Variants in SLC38A1 observed in about 807,000 individuals in gnomAD.
SLC38A1 encodes the protein solute carrier family 38 member 1.
In SLC38A1, 18 loss-of-function variants were observed where a neutral mutation model predicts 60.3. The ratio of observed to expected loss-of-function variants is 0.30; its 90% CI spans 0.21 to 0.44. The LOEUF is 0.44. Among genes scored for constraint, SLC38A1 ranks in the 20% least tolerant of loss-of-function variants. The probability of loss-of-function intolerance (pLI) is 1.00; values close to 1 mark genes in which losing one functional copy is unlikely to be tolerated. For missense variants in SLC38A1, 448 were observed against 587.2 expected, an observed-to-expected ratio of 0.76 and a Z score of 2.45; for synonymous variants, 196 against 212.1, an observed-to-expected ratio of 0.92 and a Z score of 0.66.
chr12:46,199,810 C>A (rs1217191347), intron 13 of SLC38A1, among the ~76,000 whole-genome samples: 1 of 152,150 alleles, frequency 6.6e-6, no homozygotes, highest in East Asian at 1.9e-4. Context: ...GCAAGGGCCT[C>A]TCACTGCACC....
chr12:46,237,476 G>C (rs925220628), intron 3 of SLC38A1, among the ~76,000 whole-genome samples: 1 of 149,210 alleles, frequency 6.7e-6, no homozygotes, highest in Non-Finnish European at 1.5e-5. Flanking sequence ...GAGAAGGAGG[G>C]GAAATAAAGA....
At chr12:46,207,040 C>T (rs1000971492) in intron 8 of SLC38A1, 115 bp downstream of exon 8, 8 of 686,044 alleles carry the variant, frequency 1.2e-5, no homozygotes, top group Non-Finnish European at 1.9e-5. Flanking sequence ...AACAAACAAA[C>T]AAAACGCAGC....
chr12:46,265,441 A>C (rs1450231150), intron 1 of SLC38A1, among the ~76,000 whole-genome samples: 4 of 152,256 alleles, frequency 2.6e-5, no homozygotes, highest in Admixed American at 2.6e-4. Flanking sequence ...ATAGGCCATC[A>C]CAAGTACACA....
chr12:46,257,344 C>T (rs1942064374), intron 1 of SLC38A1, among the ~76,000 whole-genome samples: 1 of 152,194 alleles, frequency 6.6e-6, no homozygotes, highest in Non-Finnish European at 1.5e-5. Context: ...TTCTAACCCC[C>T]TAAATCTTGG....
At chr12:46,255,635 T>C (rs999626530) in intron 1 of SLC38A1, among the ~76,000 whole-genome samples, 1 of 152,238 alleles carries the variant, frequency 6.6e-6, no homozygotes. Flanking sequence ...AACTGTTCTT[T>C]CAGTAGTCTT....
rs749937771 is a variant in SLC38A1 at position 46,206,143 on chromosome 12, G to A, written c.583C>T (p.Arg195Cys). 39 of 1,609,294 alleles carry A rather than the reference G, an allele frequency of 2.4e-5. No homozygotes were observed. The highest frequency in any genetic ancestry group is 3.0e-5 in the Non-Finnish European group (35 of 1,177,010). Residue 195 changes from arginine to cysteine, a missense_variant, in exon 9 of 17, where the codon CGC becomes TGC. By Grantham distance (180) the Arg-to-Cys change is radical. Coordinates refer to ENST00000398637, the MANE Select transcript of SLC38A1 (RefSeq NM_030674.4). Reference sequence around the variant, plus strand: ...AAGGTAACTATCACCACCAGAACGCGGCCATCCACGTACCAGGCTCTGAAA... The same window carrying A: ...AAGGTAACTATCACCACCAGAACGCAGCCATCCACGTACCAGGCTCTGAAA... The part of the protein sequence containing the change: ...ETFSAWYVDG[R>C]VLVVIVTFGI...
At chr12:46,209,387 C>A (rs1010188657) in intron 5 of SLC38A1, among the ~76,000 whole-genome samples, 1 of 152,114 alleles carries the variant, frequency 6.6e-6, no homozygotes. Context: ...GGGAGCATTT[C>A]GGTTGAGATG....
At position 46,203,091 on chromosome 12, in the gene SLC38A1, T is replaced by C. The variant is rs1939734917; in HGVS notation, c.823-2A>G. ...AATGGTGGGTAAAGCATACACGGTC[T>C]ATTTGAGAGAAAAGAATAGACATTA... is the stretch of plus-strand genomic sequence containing the variant. On this transcript the variant is annotated splice_acceptor_variant, in intron 11 of 16. Transcript: ENST00000398637. LOFTEE classifies it high-confidence loss of function. The C allele has an allele frequency of 6.2e-7, 1 of 1,612,874 alleles. No individual in the cohort carries two copies. The highest frequency in any genetic ancestry group is 8.5e-7 in the Non-Finnish European group (1 of 1,179,256).
At chr12:46,238,196 A>G (rs892444691) in intron 3 of SLC38A1, among the ~76,000 whole-genome samples, 3 of 149,170 alleles carry the variant, frequency 2.0e-5, no homozygotes, top group Non-Finnish European at 4.4e-5. Flanking sequence ...ATTATTATTA[A>G]GAATTACTCA....
At position 46,210,643 on chromosome 12, in the gene SLC38A1, G is replaced by A. The variant is rs571870672; in HGVS notation, c.315-1516C>T. Reference sequence around the variant, plus strand: ...CGGTGGGAGATAATTGAATCATGGGGGCAGTTCTCTCATACTGTTCTTGTG... The same window carrying A: ...CGGTGGGAGATAATTGAATCATGGGAGCAGTTCTCTCATACTGTTCTTGTG... On this transcript the variant is annotated intron_variant, in intron 5 of 16. Coordinates refer to ENST00000398637, the MANE Select transcript of SLC38A1 (RefSeq NM_030674.4). Among the ~76,000 whole-genome samples, 6 of 152,202 alleles carry A rather than the reference G, an allele frequency of 3.9e-5. No individual in the cohort carries two copies. The East Asian group carries it at 5.8e-4, about 15-fold the overall frequency.
In SLC38A1 at chr12:46,188,106, T is replaced by C. The variant is rs1419120312; in HGVS notation, c.*864A>G. ...GAAGGCTAAATGCATCAGAGGAGTA[T>C]TTTCTTAGGCATTTTGGACAATCTT... is the stretch of plus-strand genomic sequence containing the variant. On this transcript the variant is annotated 3_prime_UTR_variant, in exon 17 of 17. Coordinates refer to ENST00000398637, the MANE Select transcript of SLC38A1 (RefSeq NM_030674.4). 6.6e-6 allele frequency: 1 copy of C among 152,142 alleles called. No individual in the cohort carries two copies. The highest frequency in any genetic ancestry group is 1.5e-5 in the Non-Finnish European group (1 of 68,024). 9.4% of individuals were successfully genotyped at this position (152,142 alleles called of 1,614,324 possible).
intron 1 of SLC38A1, among the ~76,000 whole-genome samples, chr12:46,255,415 G>A (rs1272232021): frequency 6.6e-6 from 1 of 152,148 alleles, no homozygotes; most frequent in South Asian, 2.1e-4. Flanking sequence ...TACCCCTTTA[G>A]TTTTAGCCAA....
chr12:46,203,261 T>C (rs1939741956), intron 11 of SLC38A1, among the ~76,000 whole-genome samples, 172 bp from the exon 12 acceptor site: 1 of 152,184 alleles, frequency 6.6e-6, no homozygotes, highest in Admixed American at 6.5e-5. Flanking sequence ...CTAAGACAGC[T>C]TGTCTAGCTC....
At chr12:46,210,940 G>C (rs1408212536) in intron 5 of SLC38A1, among the ~76,000 whole-genome samples, 1 of 152,116 alleles carries the variant, frequency 6.6e-6, no homozygotes, top group African/African-American at 2.4e-5. Context: ...TTCAGGTTGA[G>C]GGATGTGAGA....
At chr12:46,195,073 T>G (rs1939306061) in intron 16 of SLC38A1, among the ~76,000 whole-genome samples, 1 of 152,240 alleles carries the variant, frequency 6.6e-6, no homozygotes, top group Non-Finnish European at 1.5e-5. Flanking sequence ...CTTTGTGGTT[T>G]TATCTACCTT....
At chr12:46,210,954 G>A (rs1373494343) in intron 5 of SLC38A1, among the ~76,000 whole-genome samples, 2 of 152,122 alleles carry the variant, frequency 1.3e-5, no homozygotes, top group East Asian at 1.9e-4. Flanking sequence ...TGTGAGAAAC[G>A]GACAGCAAGC....
intron 5 of SLC38A1, among the ~76,000 whole-genome samples, chr12:46,228,035 C>T (rs1045415758): frequency 2.0e-5 from 3 of 152,052 alleles, no homozygotes; most frequent in Non-Finnish European, 4.4e-5. Flanking sequence ...TCAGCTCAAG[C>T]GGAAAGGCAA....
chr12:46,185,893 C>T lies in SLC38A1; in HGVS notation c.*3077G>A, dbSNP rs1196426297. On this transcript the variant is annotated 3_prime_UTR_variant, in exon 17 of 17. Transcript: ENST00000398637. ...CACCTGTAGTCTGGTGGCATCTCTACCCCTACTGTCCAGTAGGTGGGATGT... is the reference window on the plus strand; with the variant it reads ...CACCTGTAGTCTGGTGGCATCTCTATCCCTACTGTCCAGTAGGTGGGATGT... 1 of 152,194 alleles carries T rather than the reference C, an allele frequency of 6.6e-6. No homozygotes were observed. The highest frequency in any genetic ancestry group is 1.9e-4 in the East Asian group (1 of 5,198). 9.4% of individuals were successfully genotyped at this position (152,194 alleles called of 1,614,324 possible).
At chr12:46,259,023 A>G (rs1295160188) in intron 1 of SLC38A1, among the ~76,000 whole-genome samples, 2 of 152,218 alleles carry the variant, frequency 1.3e-5, no homozygotes, top group East Asian at 3.8e-4. Flanking sequence ...GATTTTTGCT[A>G]AAAGAGTGGA....
Sources: allele counts gnomAD v4.1 joint callset (sites outside exome capture counted in the v4.1 genomes callset), GRCh38; gene constraint gnomAD v4.1.1; transcripts MANE v1.5; gene names NCBI Gene and HGNC (gene_info 2026-07-23, HGNC 2026-07-21).